The following FMN2 variants were observed in gnomAD, a reference collection of about 807,000 sequenced individuals.
The protein encoded by FMN2 is formin-2.
FMN2 carries 51 observed loss-of-function variants against 142.3 expected under a neutral mutation model. That is an observed-to-expected ratio of 0.36 (90% CI 0.29 to 0.45). The LOEUF (loss-of-function observed/expected upper bound fraction) is 0.45. FMN2 is among the 20% of genes least tolerant of loss of function. The pLI is 1.00. For missense variants in FMN2, 1,936 were observed against 2,122.8 expected (o/e 0.91, Z 1.73); for synonymous variants, 882 against 869.8 (o/e 1.01, Z -0.25).
At chr1:240,393,366 A>G (rs1050300952) in intron 15 of FMN2, among the ~76,000 whole-genome samples, 2 of 152,146 alleles carry the variant, frequency 1.3e-5, no homozygotes, top group African/African-American at 4.8e-5. Context: ...TTATGTTACT[A>G]TTGTAATTGT....
At chr1:240,212,722 G>A (rs141258953) in intron 6 of FMN2, among the ~76,000 whole-genome samples, 2 of 152,148 alleles carry the variant, frequency 1.3e-5, no homozygotes, top group Non-Finnish European at 2.9e-5. Flanking sequence ...GTACACTGAG[G>A]CTGAATCATC....
chr1:240,143,259 T>A, intron 2 of FMN2: 2 of 1,570,940 alleles, frequency 1.3e-6, no homozygotes, highest in Non-Finnish European at 1.8e-6. Flanking sequence ...ATGAGATAAT[T>A]TGCTTAGGGT....
chr1:240,255,112 G>C (rs1191228157), intron 6 of FMN2, among the ~76,000 whole-genome samples: 2 of 152,140 alleles, frequency 1.3e-5, no homozygotes, highest in African/African-American at 4.8e-5. Flanking sequence ...TTTACCACAT[G>C]AGGGAGCCTG....
chr1:240,261,271 G>T (rs879773615), intron 7 of FMN2, among the ~76,000 whole-genome samples: 5 of 151,576 alleles, frequency 3.3e-5, no homozygotes, highest in African/African-American at 1.2e-4. Flanking sequence ...CCTGTGAGTG[G>T]TCCAGTTACC....
At chr1:240,124,003 T>C (rs1662399467) in intron 2 of FMN2, among the ~76,000 whole-genome samples, 2 of 152,266 alleles carry the variant, frequency 1.3e-5, no homozygotes, top group Non-Finnish European at 2.9e-5. Flanking sequence ...TGTCAGAATG[T>C]CCTTCCCTTT....
chr1:240,100,984 T>TA (rs918267965), intron 1 of FMN2, among the ~76,000 whole-genome samples: 11 of 152,318 alleles, frequency 7.2e-5, no homozygotes, highest in Admixed American at 4.6e-4. Context: ...AGTGGACACA[T>TA]ACAGGAAGAA....
intron 11 of FMN2, among the ~76,000 whole-genome samples, chr1:240,331,185 CAAT>C (rs1226838653): frequency 2.0e-5 from 3 of 152,002 alleles, no homozygotes; most frequent in Non-Finnish European, 4.4e-5. Context: ...GAAAATAACA[CAAT>C]GATGAGTAAA....
chr1:240,111,484 C>T (rs187284681), intron 1 of FMN2, among the ~76,000 whole-genome samples: 1 of 152,278 alleles, frequency 6.6e-6, no homozygotes, highest in African/African-American at 2.4e-5. Context: ...ATCCATGCCT[C>T]CCCTTCTTTG....
At chr1:240,140,110 CACTT>C (rs533475433) in intron 2 of FMN2, among the ~76,000 whole-genome samples, 194 of 152,276 alleles carry the variant, frequency 1.3e-3, no homozygotes, top group Non-Finnish European at 2.4e-3. Flanking sequence ...GGCTTACTCT[CACTT>C]TCTTTCTTCC....
At chr1:240,293,617 C>G (rs1387617941) in intron 7 of FMN2, among the ~76,000 whole-genome samples, 1 of 152,002 alleles carries the variant, frequency 6.6e-6, no homozygotes, top group Non-Finnish European at 1.5e-5. Context: ...CATTAAAGTT[C>G]ACGATATTTT....
At chr1:240,255,212 C>T (rs1558395830) in intron 6 of FMN2, among the ~76,000 whole-genome samples, 1 of 152,184 alleles carries the variant, frequency 6.6e-6, no homozygotes, top group Non-Finnish European at 1.5e-5. Flanking sequence ...TCTTTGCCTC[C>T]CATGTTACCT....
chr1:240,133,212 C>G lies in FMN2; in HGVS notation c.1782+9867C>G, dbSNP rs1417954541. 4.6e-5 allele frequency among the ~76,000 whole-genome samples: 7 copies of G among 152,194 alleles called. No individual in the cohort carries two copies. In the South Asian group the frequency reaches 1.4e-3, roughly 31 times the overall value. ...ACAGCATCTTGCTCTGTCATCCAGG[C>G]TGGTGTGCAGTTGGGTGATCACAGC... On this transcript the variant is annotated intron_variant, in intron 2 of 17. Coordinates refer to ENST00000319653, the MANE Select transcript of FMN2 (RefSeq NM_020066.5).
chr1:240,393,893 A>G lies in FMN2; in HGVS notation c.4910+1331A>G, dbSNP rs558776128. ...GTTTGGTTTAGCACAGCTACTTGCC[A>G]CACAGAAAGCCAATCACTGAGATGA... On this transcript the variant is annotated intron_variant, in intron 15 of 17. Transcript: ENST00000319653. Among the ~76,000 whole-genome samples, 5 of 152,340 alleles carry G rather than the reference A, an allele frequency of 3.3e-5. No individual in the cohort carries two copies. The South Asian group carries it at 6.2e-4, about 19-fold the overall frequency.
At chr1:240,134,566 C>T (rs185644190) in intron 2 of FMN2, among the ~76,000 whole-genome samples, 3 of 152,218 alleles carry the variant, frequency 2.0e-5, no homozygotes, top group Non-Finnish European at 1.5e-5. Flanking sequence ...TTGCAATGAG[C>T]TGTGATTGCA....
intron 6 of FMN2, chr1:240,245,241 C>A: frequency 3.6e-6 from 1 of 278,242 alleles, no homozygotes; most frequent in Admixed American, 4.8e-5. Context: ...AATACATTAT[C>A]AGGGGCCACT....
chr1:240,441,442 A>G (rs1028609667), intron 16 of FMN2, among the ~76,000 whole-genome samples: 6 of 152,186 alleles, frequency 3.9e-5, no homozygotes, highest in Admixed American at 3.9e-4. Context: ...TAGAACCTCA[A>G]GTGGAATTAC....
At chr1:240,359,974 C>T (rs1672406026) in intron 14 of FMN2, among the ~76,000 whole-genome samples, 1 of 152,180 alleles carries the variant, frequency 6.6e-6, no homozygotes, top group African/African-American at 2.4e-5. Flanking sequence ...AGGCATAGGT[C>T]TAGCAACCCT....
intron 7 of FMN2, among the ~76,000 whole-genome samples, chr1:240,283,393 C>A (rs533622186): frequency 3.2e-4 from 48 of 152,234 alleles, no homozygotes; most frequent in African/African-American, 7.0e-4. Flanking sequence ...GGGATTTTTG[C>A]CTATGCCAGT....
At chr1:240,407,899 A>G (rs527692578) in intron 15 of FMN2, among the ~76,000 whole-genome samples, 1 of 152,270 alleles carries the variant, frequency 6.6e-6, no homozygotes, top group South Asian at 2.1e-4. Flanking sequence ...TGGCATGGAA[A>G]GTTGCATCTA....
Sources: gnomAD v4.1 joint callset for allele counts (sites outside exome capture counted in the v4.1 genomes callset) on GRCh38, gnomAD v4.1.1 for gene constraint, MANE v1.5 for transcripts, NCBI Gene and HGNC (gene_info 2026-07-23, HGNC 2026-07-21) for gene names.